The following ESRRB variants were observed in gnomAD, a reference collection of about 807,000 sequenced individuals.
ESRRB encodes the protein estrogen related receptor beta, also known as steroid hormone receptor ERR2.
A neutral mutation model predicts 46.0 loss-of-function variants in ESRRB; 16 were observed. That is an observed-to-expected ratio of 0.35 (90% CI 0.24 to 0.53). The LOEUF (loss-of-function observed/expected upper bound fraction) is 0.53. ESRRB is among the 20% of genes least tolerant of loss of function. The probability of loss-of-function intolerance (pLI) is 0.93; values close to 1 mark genes in which losing one functional copy is unlikely to be tolerated. For missense variants in ESRRB, 488 were observed against 607.4 expected (o/e 0.80, Z 2.07); for synonymous variants, 246 against 259.6 (o/e 0.95, Z 0.50).
intron 1 of ESRRB, among the ~76,000 whole-genome samples, chr14:76,379,297 G>C (rs1185631593): frequency 6.6e-6 from 1 of 152,164 alleles, no homozygotes; most frequent in African/African-American, 2.4e-5. Flanking sequence ...ATGGGTCCAT[G>C]ACTGGACCAG....
intron 1 of ESRRB, among the ~76,000 whole-genome samples, chr14:76,429,933 A>G (rs1275153324): frequency 2.0e-5 from 3 of 151,780 alleles, no homozygotes; most frequent in Non-Finnish European, 4.4e-5. Flanking sequence ...GTAACACTTA[A>G]CCATTGGCCT....
chr14:76,328,976 C>G (rs559045575), intron 1 of ESRRB, among the ~76,000 whole-genome samples: 4 of 152,040 alleles, frequency 2.6e-5, no homozygotes, highest in Non-Finnish European at 5.9e-5. Context: ...TTTGTGGAGT[C>G]CAGTTCAAAA....
At chr14:76,428,321 A>G (rs1887288881) in intron 1 of ESRRB, among the ~76,000 whole-genome samples, 2 of 152,130 alleles carry the variant, frequency 1.3e-5, no homozygotes, top group Non-Finnish European at 2.9e-5. Context: ...TTTATGCCAC[A>G]TCACTGCTTG....
intron 1 of ESRRB, among the ~76,000 whole-genome samples, chr14:76,422,427 G>T (rs1887007714): frequency 6.6e-6 from 1 of 151,878 alleles, no homozygotes; most frequent in African/African-American, 2.4e-5. Context: ...TGGCCAGGAT[G>T]GTCTCGATCT....
intron 3 of ESRRB, chr14:76,463,214 T>G (rs57238463): frequency 0.056 from 10,950 of 195,636 alleles, 339 homozygotes; most frequent in Middle Eastern, 0.078. Context: ...TCTCTAGAGC[T>G]GTGCTGTCTA....
At chr14:76,449,185 A>G (rs1174494183) in intron 2 of ESRRB, among the ~76,000 whole-genome samples, 1 of 152,204 alleles carries the variant, frequency 6.6e-6, no homozygotes, top group African/African-American at 2.4e-5. Flanking sequence ...ACAATGTATC[A>G]GGTACATACT....
intron 2 of ESRRB, among the ~76,000 whole-genome samples, chr14:76,447,860 C>A (rs1319604986): frequency 6.6e-6 from 1 of 152,194 alleles, no homozygotes; most frequent in African/African-American, 2.4e-5. Flanking sequence ...CCTACCTGTT[C>A]TCCCTGCTGC....
intron 1 of ESRRB, among the ~76,000 whole-genome samples, chr14:76,353,190 A>G (rs1328201685): frequency 6.6e-6 from 1 of 152,138 alleles, no homozygotes; most frequent in Non-Finnish European, 1.5e-5. Flanking sequence ...AGCTGGGGAG[A>G]GGGCAGCACC....
chr14:76,446,715 C>A (rs1191998098), intron 2 of ESRRB, among the ~76,000 whole-genome samples: 1 of 152,148 alleles, frequency 6.6e-6, no homozygotes, highest in Non-Finnish European at 1.5e-5. Context: ...AGTTCCCCTG[C>A]AGGTCTTCTG....
At chr14:76,458,003 T>A (rs1888683210) in intron 2 of ESRRB, among the ~76,000 whole-genome samples, 1 of 152,140 alleles carries the variant, frequency 6.6e-6, no homozygotes, top group East Asian at 1.9e-4. Context: ...AGATAAGAAC[T>A]TTATGAGATG....
intron 2 of ESRRB, among the ~76,000 whole-genome samples, chr14:76,452,653 C>CAAAACAAA (rs1888442248): frequency 4.1e-5 from 5 of 120,852 alleles, no homozygotes; most frequent in South Asian, 5.5e-4. Context: ...CAAAACAAAA[C>CAAAACAAA]AAAAAAAAAG....
At chr14:76,363,508 A>C (rs957215594) in intron 1 of ESRRB, among the ~76,000 whole-genome samples, 1 of 152,200 alleles carries the variant, frequency 6.6e-6, no homozygotes, top group Admixed American at 6.5e-5. Flanking sequence ...TCATTCCATA[A>C]AATCAATTGG....
Position 76,500,707 on chromosome 14 carries a change from T to C in ESRRB, c.*2249T>C. 2 of 1,613,940 alleles carry C rather than the reference T, an allele frequency of 1.2e-6. No homozygotes were observed. Among genetic ancestry groups the C allele is most frequent in the Middle Eastern group, 1.6e-4 (1 of 6,062 alleles). ...CTGTCTTTTCTAGGGAAAGCATCTC[T>C]GGCTCACCATGTAACATCTGGCTTG... On this transcript the variant is annotated 3_prime_UTR_variant, in exon 7 of 7. Coordinates refer to ENST00000644823, the MANE Select transcript of ESRRB (RefSeq NM_001379180.1).
chr14:76,411,393 A>G (rs538062243), intron 1 of ESRRB, among the ~76,000 whole-genome samples: 1 of 152,154 alleles, frequency 6.6e-6, no homozygotes, highest in East Asian at 1.9e-4. Context: ...GGATGCAGTG[A>G]GCTGAGATTG....
At chr14:76,439,271 T>C in intron 1 of ESRRB, 70 bp from the exon 2 acceptor site, 3 of 1,566,580 alleles carry the variant, frequency 1.9e-6, no homozygotes, top group Non-Finnish European at 8.8e-7. Flanking sequence ...CCACCCTACC[T>C]GCGGGGCTGG....
intron 1 of ESRRB, among the ~76,000 whole-genome samples, chr14:76,388,561 G>A (rs1329407578): frequency 6.6e-6 from 1 of 151,468 alleles, no homozygotes; most frequent in Non-Finnish European, 1.5e-5. Context: ...TTAAGGTGGT[G>A]GTGGAGGGGG....
rs1890632617 is a variant in ESRRB at position 76,500,794 on chromosome 14, G to A, written c.*2336G>A. 2 of 1,549,258 alleles carry A rather than the reference G, an allele frequency of 1.3e-6. No individual in the cohort carries two copies. The highest frequency in any genetic ancestry group is 8.9e-7 in the Non-Finnish European group (1 of 1,120,960). Reference sequence around the variant, plus strand: ...CTCACTGGATCTAGTGTTGCTGCGAGTGACCTCACTTCAGAGCCCCTCTAG... The same window carrying A: ...CTCACTGGATCTAGTGTTGCTGCGAATGACCTCACTTCAGAGCCCCTCTAG... On this transcript the variant is annotated 3_prime_UTR_variant, in exon 7 of 7. Coordinates refer to ENST00000644823, the MANE Select transcript of ESRRB (RefSeq NM_001379180.1).
intron 1 of ESRRB, among the ~76,000 whole-genome samples, chr14:76,317,082 A>C (rs1394855792): frequency 6.6e-6 from 1 of 152,186 alleles, no homozygotes; most frequent in Non-Finnish European, 1.5e-5. Flanking sequence ...GGCTTTTGAA[A>C]GGTGTCAAGT....
chr14:76,317,308 CTCTGTGTGTGTGTG>C (rs1445708459), intron 1 of ESRRB, among the ~76,000 whole-genome samples: 2 of 125,148 alleles, frequency 1.6e-5, no homozygotes, highest in African/African-American at 6.4e-5. Context: ...GCTGATTAGG[CTCTGTGTGTGTGTG>C]TGTGTGTGTG....
Sources: gnomAD v4.1 joint callset for allele counts (sites outside exome capture counted in the v4.1 genomes callset) on GRCh38, gnomAD v4.1.1 for gene constraint, MANE v1.5 for transcripts, NCBI Gene and HGNC (gene_info 2026-07-23, HGNC 2026-07-21) for gene names.